ERBB4: variants seen among roughly 807,000 people sequenced by gnomAD.
The protein encoded by ERBB4 is receptor tyrosine-protein kinase erbB-4.
A neutral mutation model predicts 158.0 loss-of-function variants in ERBB4; 42 were observed. The observed-to-expected ratio is 0.27, with a 90% CI of 0.21 to 0.34. The LOEUF (loss-of-function observed/expected upper bound fraction) is 0.34. Ranked by LOEUF, ERBB4 falls within the 10% of genes least tolerant of loss-of-function variation. The probability of loss-of-function intolerance (pLI) is 1.00; values close to 1 mark genes in which losing one functional copy is unlikely to be tolerated. For synonymous variants in ERBB4, 583 were observed against 558.7 expected (o/e 1.04, Z -0.61); for missense variants, 1,333 against 1,624.1 (o/e 0.82, Z 3.08).
chr2:212,196,698 T>C (rs909574149), intron 1 of ERBB4, among the ~76,000 whole-genome samples: 1 of 152,202 alleles, frequency 6.6e-6, no homozygotes, highest in African/African-American at 2.4e-5. Flanking sequence ...ATAATTTCCA[T>C]CAATTTAAGC....
At chr2:212,093,085 C>G (rs938932096) in intron 2 of ERBB4, among the ~76,000 whole-genome samples, 1 of 152,182 alleles carries the variant, frequency 6.6e-6, no homozygotes, top group Non-Finnish European at 1.5e-5. Flanking sequence ...CCTTTTTCCT[C>G]TCTTTTACAT....
intron 1 of ERBB4, among the ~76,000 whole-genome samples, chr2:212,425,012 G>A (rs765093881): frequency 1.3e-5 from 2 of 151,774 alleles, no homozygotes; most frequent in Non-Finnish European, 2.9e-5. Context: ...AAAAAGTACT[G>A]CACAGAAATA....
intron 1 of ERBB4, among the ~76,000 whole-genome samples, chr2:212,234,419 T>C (rs1462649454): frequency 6.6e-6 from 1 of 152,196 alleles, no homozygotes; most frequent in Admixed American, 6.5e-5. Context: ...TCTTTGCTAT[T>C]GTGAAAAGTG....
At chr2:212,007,776 C>A (rs1376480016) in intron 2 of ERBB4, among the ~76,000 whole-genome samples, 1 of 151,822 alleles carries the variant, frequency 6.6e-6, no homozygotes, top group Admixed American at 6.6e-5. Context: ...ATGAGGGACA[C>A]AAATAATTAC....
chr2:212,170,944 T>G (rs1225825233), intron 1 of ERBB4, among the ~76,000 whole-genome samples: 3 of 152,096 alleles, frequency 2.0e-5, no homozygotes, highest in African/African-American at 7.2e-5. Context: ...CACTGCCTAG[T>G]GGAGCTGTAA....
chr2:212,359,670 A>G (rs749322569), intron 1 of ERBB4, among the ~76,000 whole-genome samples: 1 of 151,730 alleles, frequency 6.6e-6, no homozygotes, highest in Non-Finnish European at 1.5e-5. Flanking sequence ...TCAGGGGCAC[A>G]CCAGTTAATC....
chr2:212,178,061 A>G (rs1358260850), intron 1 of ERBB4, among the ~76,000 whole-genome samples: 1 of 151,582 alleles, frequency 6.6e-6, no homozygotes, highest in African/African-American at 2.4e-5. Flanking sequence ...TAAAGAGGGA[A>G]TGGAACAGTC....
intron 3 of ERBB4, among the ~76,000 whole-genome samples, chr2:211,859,795 C>T (rs1280284434): frequency 1.2e-4 from 18 of 151,968 alleles, no homozygotes; most frequent in Admixed American, 1.2e-3. Context: ...GGTTATATAC[C>T]CAGAAGTAAT....
chr2:211,437,683 T>A (rs2063884500), intron 20 of ERBB4, among the ~76,000 whole-genome samples: 1 of 152,182 alleles, frequency 6.6e-6, no homozygotes, highest in Admixed American at 6.5e-5. Flanking sequence ...GCTAAAAATT[T>A]CAAGCTGCAG....
intron 3 of ERBB4, among the ~76,000 whole-genome samples, chr2:211,875,255 C>T (rs568481550): frequency 4.6e-5 from 7 of 151,964 alleles, no homozygotes; most frequent in African/African-American, 1.7e-4. Context: ...ACTACAGAGG[C>T]CATTTAATTA....
intron 20 of ERBB4, among the ~76,000 whole-genome samples, chr2:211,436,453 T>C (rs919291928): frequency 6.6e-6 from 1 of 152,174 alleles, no homozygotes; most frequent in Non-Finnish European, 1.5e-5. Context: ...TGTCATCACC[T>C]TCCTCTCCTC....
chr2:211,748,036 T>A (rs1463601276), intron 5 of ERBB4, among the ~76,000 whole-genome samples: 1 of 151,718 alleles, frequency 6.6e-6, no homozygotes, highest in African/African-American at 2.4e-5. Context: ...TAAATAGATG[T>A]TATAATATAT....
intron 15 of ERBB4, 36 bp from the exon 16 acceptor site, chr2:211,657,864 C>T (rs895149316): frequency 6.2e-7 from 1 of 1,607,440 alleles, no homozygotes; most frequent in African/African-American, 1.3e-5. Flanking sequence ...CATCATTCTC[C>T]ATCCACAGTG....
At chr2:212,013,329 G>T (rs985529946) in intron 2 of ERBB4, among the ~76,000 whole-genome samples, 1 of 152,110 alleles carries the variant, frequency 6.6e-6, no homozygotes, top group Non-Finnish European at 1.5e-5. Context: ...TACAAAGAAG[G>T]CAGGGATGAT....
intron 2 of ERBB4, among the ~76,000 whole-genome samples, chr2:212,059,712 A>G (rs946398021): frequency 2.6e-5 from 4 of 152,186 alleles, no homozygotes; most frequent in Non-Finnish European, 5.9e-5. Flanking sequence ...TATTTAATAA[A>G]TGGTCCTGGG....
intron 1 of ERBB4, among the ~76,000 whole-genome samples, chr2:212,142,398 A>C (rs1412545518): frequency 6.6e-6 from 1 of 151,752 alleles, no homozygotes; most frequent in Non-Finnish European, 1.5e-5. Context: ...ATGACTGTTG[A>C]TATTTTGGAA....
intron 2 of ERBB4, among the ~76,000 whole-genome samples, chr2:212,058,309 C>A (rs960051214): frequency 6.6e-6 from 1 of 151,990 alleles, no homozygotes; most frequent in Non-Finnish European, 1.5e-5. Flanking sequence ...TAGCCTGCCA[C>A]CCAAAAAAAG....
chr2:211,614,109 G>A (rs1200044682), intron 19 of ERBB4, among the ~76,000 whole-genome samples: 2 of 151,952 alleles, frequency 1.3e-5, no homozygotes, highest in Non-Finnish European at 2.9e-5. Context: ...ATGCAATCAA[G>A]TCATTTGCAA....
intron 1 of ERBB4, among the ~76,000 whole-genome samples, chr2:212,148,760 C>G (rs895973188): frequency 2.0e-5 from 3 of 148,156 alleles, no homozygotes; most frequent in Non-Finnish European, 4.5e-5. Flanking sequence ...GACTTGGAAC[C>G]AACCCAAATG....
Sources: gnomAD v4.1 joint callset for allele counts (sites outside exome capture counted in the v4.1 genomes callset) on GRCh38, gnomAD v4.1.1 for gene constraint, MANE v1.5 for transcripts, NCBI Gene and HGNC (gene_info 2026-07-23, HGNC 2026-07-21) for gene names.